The following PLEKHA1 variants were observed in gnomAD, a reference collection of about 807,000 sequenced individuals.
The protein encoded by PLEKHA1 is pleckstrin homology domain-containing family A member 1.
PLEKHA1 carries 34 observed loss-of-function variants against 52.0 expected under a neutral mutation model. That is an observed-to-expected ratio of 0.65 (90% CI 0.50 to 0.87). PLEKHA1 has a LOEUF of 0.87. Ranked by LOEUF, PLEKHA1 falls within the 40% of genes least tolerant of loss-of-function variation. The pLI is 0.00. For synonymous variants in PLEKHA1, 163 were observed against 170.7 expected, an observed-to-expected ratio of 0.95 and a Z score of 0.35; for missense variants, 497 against 504.2, an observed-to-expected ratio of 0.99 and a Z score of 0.14.
At chr10:122,400,902 CATAA>C (rs1219210417) in intron 4 of PLEKHA1, among the ~76,000 whole-genome samples, 1 of 152,078 alleles carries the variant, frequency 6.6e-6, no homozygotes, top group Non-Finnish European at 1.5e-5. Flanking sequence ...CTGGTTGGCT[CATAA>C]ATAAAAAATA....
intron 11 of PLEKHA1, among the ~76,000 whole-genome samples, chr10:122,427,872 C>T (rs1005077813): frequency 1.3e-5 from 2 of 152,140 alleles, no homozygotes; most frequent in Non-Finnish European, 2.9e-5. Flanking sequence ...TAGTTACTTA[C>T]ACTTTTAATA....
At chr10:122,418,263 C>G in intron 8 of PLEKHA1, 1 of 251,938 alleles carries the variant, frequency 4.0e-6, no homozygotes, top group Non-Finnish European at 7.6e-6. Context: ...GGGGTTAGCC[C>G]CACGTGGAGT....
At position 122,426,994 on chromosome 10, in the gene PLEKHA1, T is replaced by C. The variant is rs1440026257; in HGVS notation, c.863T>C (p.Ile288Thr). Residue 288 changes from isoleucine (I) to threonine (T), a missense_variant, in exon 11 of 12, where the codon ATT (isoleucine) becomes ACT (threonine). Transcript: ENST00000368990. ...TGGATTAAAGCAGTCTCTGGCGCCATTGTAGCACAGCGGGGTCCCGGCAGA... is the reference window on the plus strand; with the variant it reads ...TGGATTAAAGCAGTCTCTGGCGCCACTGTAGCACAGCGGGGTCCCGGCAGA... ...HSWIKAVSGA[I>T]VAQRGPGRSA... 2.5e-6 allele frequency: 4 copies of C among 1,613,998 alleles called. No homozygotes were observed. Among genetic ancestry groups the C allele is most frequent in the Non-Finnish European group, 1.7e-6 (2 of 1,180,000 alleles).
At chr10:122,423,973 G>A (rs1462636302) in intron 8 of PLEKHA1, 17 of 543,518 alleles carry the variant, frequency 3.1e-5, no homozygotes, top group Non-Finnish European at 4.3e-5. Flanking sequence ...ATGTGAATAA[G>A]GGCCGTATGC....
chr10:122,413,425 A>G (rs1223409597), intron 6 of PLEKHA1, among the ~76,000 whole-genome samples: 2 of 152,118 alleles, frequency 1.3e-5, no homozygotes, highest in African/African-American at 4.8e-5. Context: ...CAAATCCTCT[A>G]TTGGACAAAT....
In PLEKHA1 at chr10:122,375,754, G is replaced by A. The variant is rs113470060; in HGVS notation, c.-21+948G>A. 1.2e-4 allele frequency among the ~76,000 whole-genome samples: 18 copies of A among 152,332 alleles called. 2 individuals are homozygous for A. In the Middle Eastern group the frequency reaches 0.01, roughly 86 times the overall value. On this transcript the variant is annotated intron_variant, in intron 1 of 11. Transcript: ENST00000368990. ...TTGCTCTCTGGGGGCAGTACAAGAAGAGGTTCAAGGAACAAATAAATATCC... is the reference window on the plus strand; with the variant it reads ...TTGCTCTCTGGGGGCAGTACAAGAAAAGGTTCAAGGAACAAATAAATATCC...
chr10:122,408,405 A>G (rs959588394), intron 5 of PLEKHA1, among the ~76,000 whole-genome samples: 1 of 152,184 alleles, frequency 6.6e-6, no homozygotes, highest in Admixed American at 6.5e-5. Context: ...ATAGAATTCT[A>G]AAAAGACTTC....
At chr10:122,416,139 A>T in intron 7 of PLEKHA1, 137 bp downstream of exon 7, 1 of 984,264 alleles carries the variant, frequency 1.0e-6, no homozygotes, top group Non-Finnish European at 1.4e-6. Context: ...GAGTCAGGAG[A>T]TAAAATAGGG....
At chr10:122,394,842 T>C (rs1041145424) in intron 2 of PLEKHA1, among the ~76,000 whole-genome samples, 2 of 152,220 alleles carry the variant, frequency 1.3e-5, no homozygotes, top group African/African-American at 4.8e-5. Flanking sequence ...TGAAGCTCCT[T>C]GATTATTTTT....
chr10:122,391,824 A>G (rs1449944127), intron 1 of PLEKHA1, among the ~76,000 whole-genome samples: 1 of 150,308 alleles, frequency 6.7e-6, no homozygotes, highest in Non-Finnish European at 1.5e-5. Context: ...AACAGCAACA[A>G]CACACAAACT....
At chr10:122,374,887 G>T in intron 1 of PLEKHA1, 81 bp downstream of exon 1, 1 of 154,894 alleles carries the variant, frequency 6.5e-6, no homozygotes, top group South Asian at 1.8e-4. Flanking sequence ...GGCGGCTGCG[G>T]GGCTGCCGGG....
intron 4 of PLEKHA1, 31 bp from the exon 5 acceptor site, chr10:122,406,545 T>C (rs1435996511): frequency 6.6e-7 from 1 of 1,521,480 alleles, no homozygotes. Context: ...ATAAGTACAA[T>C]ATTTGGTGTG....
intron 9 of PLEKHA1, 126 bp downstream of exon 9, chr10:122,424,389 G>T: frequency 9.3e-7 from 1 of 1,069,728 alleles, no homozygotes. Context: ...ACTCTTTATA[G>T]TTGAGATACA....
chr10:122,381,816 A>G (rs2096618916), intron 1 of PLEKHA1, among the ~76,000 whole-genome samples: 1 of 152,198 alleles, frequency 6.6e-6, no homozygotes, highest in African/African-American at 2.4e-5. Context: ...TTCTGAGGGG[A>G]ATATCTGGAG....
intron 1 of PLEKHA1, among the ~76,000 whole-genome samples, chr10:122,376,555 A>C (rs1371967367): frequency 6.7e-6 from 1 of 150,148 alleles, no homozygotes; most frequent in African/African-American, 2.4e-5. Context: ...ATGTGTATAC[A>C]CACCGCGCGG....
At chr10:122,436,992 C>CTTT (rs1478349296), downstream of PLEKHA1, 1 of 62,578 alleles carries the variant, frequency 1.6e-5, no homozygotes, top group Admixed American at 1.7e-4. Context: ...CTTACATCAG[C>CTTT]CTTTTTTTTT....
At chr10:122,435,196 A>G (rs2097433701), downstream of PLEKHA1, 2 of 152,200 alleles carry the variant, frequency 1.3e-5, no homozygotes, top group Non-Finnish European at 2.9e-5. Context: ...ATGCAAAGAT[A>G]TGACAGCTTA....
At chr10:122,399,398 C>T (rs905834734) in intron 3 of PLEKHA1, among the ~76,000 whole-genome samples, 2 of 151,992 alleles carry the variant, frequency 1.3e-5, no homozygotes, top group African/African-American at 4.8e-5. Context: ...CAGCTAGTTG[C>T]CTCATCTTCT....
chr10:122,415,754 TCTGA>T (rs72194447), intron 6 of PLEKHA1, 101 bp from the exon 7 acceptor site: 73,697 of 1,109,452 alleles, frequency 0.066, 2,938 homozygotes, highest in East Asian at 0.15. Flanking sequence ...AAAATCTGTT[TCTGA>T]CTAATCTAAG....
Sources: allele counts gnomAD v4.1 joint callset (sites outside exome capture counted in the v4.1 genomes callset), GRCh38; gene constraint gnomAD v4.1.1; transcripts MANE v1.5; gene names NCBI Gene and HGNC (gene_info 2026-07-23, HGNC 2026-07-21).